Variants in TGFBR3 observed in about 807,000 individuals in gnomAD.
TGFBR3 encodes transforming growth factor beta receptor type 3.
Under a neutral mutation model 87.9 loss-of-function variants are expected in TGFBR3, and 46 were observed. The observed-to-expected ratio is 0.52, with a 90% CI of 0.41 to 0.67. TGFBR3 has a LOEUF of 0.67. TGFBR3 is among the 30% of genes least tolerant of loss of function. The probability of loss-of-function intolerance (pLI) is 0.00; values close to 1 mark genes in which losing one functional copy is unlikely to be tolerated. For synonymous variants in TGFBR3, 381 were observed against 391.6 expected (o/e 0.97, Z 0.32); for missense variants, 866 against 1,041.9 (o/e 0.83, Z 2.32).
rs750297587 is a variant in TGFBR3, at chr1:91,695,721, C to T, written c.2388G>A (p.Val796=). Residue 796 remains valine (V), a synonymous_variant, in exon 16 of 17, where the codon GTG becomes GTA. Coordinates refer to ENST00000212355, the MANE Select transcript of TGFBR3 (RefSeq NM_003243.5). Reference sequence around the variant, plus strand: ...AGGCCCCCGTCAGGAGTGCTCCGATCACAAAGGCTGCAAACGCAATGCCCA... The same window carrying T: ...AGGCCCCCGTCAGGAGTGCTCCGATTACAAAGGCTGCAAACGCAATGCCCA... The part of the protein sequence containing the change: ...TVMGIAFAAF[V]IGALLTGALW... The T allele has an allele frequency of 3.1e-6, 5 of 1,614,200 alleles. No homozygotes were observed. In the South Asian group the frequency reaches 5.5e-5, roughly 18 times the overall value.
intron 12 of TGFBR3, among the ~76,000 whole-genome samples, chr1:91,713,845 C>T (rs11165309): frequency 0.37 from 56,844 of 151,650 alleles, 11,048 homozygotes; most frequent in Non-Finnish European, 0.44. Flanking sequence ...CTAAAAACTG[C>T]CGTTTAACAT....
intron 4 of TGFBR3, among the ~76,000 whole-genome samples, chr1:91,739,686 C>T (rs771915786): frequency 2.6e-5 from 4 of 152,212 alleles, no homozygotes; most frequent in East Asian, 3.9e-4. Context: ...TGCTACAACC[C>T]ACCAAGAACC....
intron 4 of TGFBR3, among the ~76,000 whole-genome samples, chr1:91,737,163 C>G (rs781215410): frequency 1.8e-4 from 27 of 152,094 alleles, no homozygotes; most frequent in Admixed American, 2.0e-4. Flanking sequence ...GAATTTGGAA[C>G]TGGAGTTAAC....
chr1:91,889,598 C>T (rs534133173), upstream of TGFBR3, among the ~76,000 whole-genome samples: 2 of 152,254 alleles, frequency 1.3e-5, no homozygotes, highest in South Asian at 4.1e-4. Context: ...CAAGCATAGA[C>T]GAAAGGTTTA....
At position 91,714,936 on chromosome 1, in the gene TGFBR3, C is replaced by T. The variant is rs866702639; in HGVS notation, c.1866+1300G>A. Reference sequence around the variant, plus strand: ...TATGATCAAGGAAAACAACATCTAGCGCCAGCGGGCTCTGTCCCAGAGTCA... The same window carrying T: ...TATGATCAAGGAAAACAACATCTAGTGCCAGCGGGCTCTGTCCCAGAGTCA... On this transcript the variant is annotated intron_variant, in intron 12 of 16. Coordinates refer to ENST00000212355, the MANE Select transcript of TGFBR3 (RefSeq NM_003243.5). Among the ~76,000 whole-genome samples the T allele has an allele frequency of 2.6e-5, 4 of 152,330 alleles. 1 individual carries two copies. Among genetic ancestry groups the T allele is most frequent in the Middle Eastern group, 3.4e-3 (1 of 294 alleles).
chr1:91,764,249 C>A (rs927547072), intron 3 of TGFBR3, among the ~76,000 whole-genome samples: 1 of 137,554 alleles, frequency 7.3e-6, no homozygotes, highest in African/African-American at 2.7e-5. Flanking sequence ...TCCCTTCCCC[C>A]CAACAAGGAC....
At chr1:91,740,405 C>T (rs982512857) in intron 4 of TGFBR3, among the ~76,000 whole-genome samples, 61 of 151,512 alleles carry the variant, frequency 4.0e-4, no homozygotes, top group South Asian at 1.3e-3. Flanking sequence ...CGCTCTGTCG[C>T]CCAGGCTGGA....
At chr1:91,797,027 C>T (rs1675413100) in intron 3 of TGFBR3, among the ~76,000 whole-genome samples, 1 of 152,102 alleles carries the variant, frequency 6.6e-6, no homozygotes, top group African/African-American at 2.4e-5. Flanking sequence ...ATCACCATGC[C>T]TGGCCTAAAA....
chr1:91,865,338 G>A (rs1204723284), intron 1 of TGFBR3, among the ~76,000 whole-genome samples: 1 of 147,912 alleles, frequency 6.8e-6, no homozygotes, highest in Non-Finnish European at 1.5e-5. Flanking sequence ...AATACCTAAT[G>A]TAAATGATGA....
At chr1:91,788,785 C>T (rs941371938) in intron 3 of TGFBR3, among the ~76,000 whole-genome samples, 2 of 152,128 alleles carry the variant, frequency 1.3e-5, no homozygotes, top group Non-Finnish European at 2.9e-5. Context: ...TTTTTTAATA[C>T]TCTCCCAAAA....
chr1:91,887,616 G>A (rs1487196862), upstream of TGFBR3, among the ~76,000 whole-genome samples: 1 of 152,084 alleles, frequency 6.6e-6, no homozygotes, highest in Non-Finnish European at 1.5e-5. Context: ...GGCTTCTTAT[G>A]ACATGTTATT....
Position 91,767,336 on chromosome 1 carries a change from T to C in TGFBR3, c.247-8586A>G, listed in dbSNP as rs1335037028. Among the ~76,000 whole-genome samples the C allele has an allele frequency of 1.5e-5, 2 of 133,440 alleles. 1 individual carries two copies. The highest frequency in any genetic ancestry group is 3.3e-5 in the Non-Finnish European group (2 of 60,944). The allele number at this position is 133,440 out of a possible 152,430, so 87.5% of individuals were successfully genotyped here. A position where few individuals can be genotyped will look rare whatever the true frequency, so the allele number is the denominator to read the frequency against. ...AACCTGAAGCTGGTAAGGAATTCTT[T>C]AGGAGTACAGTGTTACCTTGCTAGC... is the stretch of plus-strand genomic sequence containing the variant. On this transcript the variant is annotated intron_variant, in intron 3 of 16. Transcript: ENST00000212355.
chr1:91,757,013 C>A (rs1048889092), intron 4 of TGFBR3, among the ~76,000 whole-genome samples: 11 of 152,080 alleles, frequency 7.2e-5, no homozygotes, highest in African/African-American at 2.7e-4. Flanking sequence ...TCTATAGGCT[C>A]AATTATAATT....
Position 91,681,659 on chromosome 1 carries a change from A to T in TGFBR3, c.*2080T>A, listed in dbSNP as rs1224402759. 4.5e-6 allele frequency: 2 copies of T among 441,608 alleles called. No individual in the cohort carries two copies. The highest frequency in any genetic ancestry group is 3.3e-5 in the South Asian group (2 of 60,372). The allele number at this position is 441,608 out of a possible 1,614,324, so 27.4% of individuals were successfully genotyped here. On this transcript the variant is annotated 3_prime_UTR_variant, in exon 17 of 17. Transcript: ENST00000212355. ...AAGAATTCACAGTAGCTGAAATTAA[A>T]CATTTCATATGGAGTAACTTAAATT...
At chr1:91,795,019 C>T (rs758765179) in intron 3 of TGFBR3, among the ~76,000 whole-genome samples, 20 of 152,236 alleles carry the variant, frequency 1.3e-4, no homozygotes, top group Non-Finnish European at 2.4e-4. Context: ...TATACACACC[C>T]ATCTTACCAA....
chr1:91,720,917 T>A (rs1672347108), intron 8 of TGFBR3, among the ~76,000 whole-genome samples: 1 of 152,224 alleles, frequency 6.6e-6, no homozygotes, highest in Admixed American at 6.5e-5. Context: ...TTGGAACATA[T>A]TCCCTTGAAA....
At chr1:91,752,899 T>C (rs942980127) in intron 4 of TGFBR3, among the ~76,000 whole-genome samples, 2 of 151,392 alleles carry the variant, frequency 1.3e-5, no homozygotes, top group Non-Finnish European at 2.9e-5. Flanking sequence ...TGGGGGTACA[T>C]GCCTGTAATC....
chr1:91,807,235 T>A (rs1675866370), intron 2 of TGFBR3, among the ~76,000 whole-genome samples: 1 of 152,228 alleles, frequency 6.6e-6, no homozygotes, highest in African/African-American at 2.4e-5. Context: ...AAAACCTGGC[T>A]TCAGGCTGAA....
intron 4 of TGFBR3, among the ~76,000 whole-genome samples, chr1:91,738,515 ACACGTTCT>A (rs932971054): frequency 2.0e-4 from 31 of 152,110 alleles, no homozygotes; most frequent in Admixed American, 6.5e-5. Context: ...CTCCCCCGAC[ACACGTTCT>A]CTCTCTTGCT....
Sources: allele counts gnomAD v4.1 joint callset (sites outside exome capture counted in the v4.1 genomes callset), GRCh38; gene constraint gnomAD v4.1.1; transcripts MANE v1.5; gene names NCBI Gene and HGNC (gene_info 2026-07-23, HGNC 2026-07-21).